Variants in PIAS1 observed in about 807,000 individuals in gnomAD.
PIAS1 encodes E3 SUMO-protein ligase PIAS1.
A neutral mutation model predicts 71.3 loss-of-function variants in PIAS1; 6 were observed. That is an observed-to-expected ratio of 0.08 (90% CI 0.05 to 0.17). The LOEUF (loss-of-function observed/expected upper bound fraction) is 0.17, where lower values mean the gene tolerates loss of function less well. Among genes scored for constraint, PIAS1 ranks in the 10% least tolerant of loss-of-function variants. The probability of loss-of-function intolerance (pLI) is 1.00; values close to 1 mark genes in which losing one functional copy is unlikely to be tolerated. For synonymous variants in PIAS1, 303 were observed against 292.9 expected (o/e 1.03, Z -0.35); for missense variants, 555 against 793.6 (o/e 0.70, Z 3.61).
chr15:68,069,293 A>G (rs2092066401), intron 1 of PIAS1, among the ~76,000 whole-genome samples: 1 of 152,168 alleles, frequency 6.6e-6, no homozygotes, highest in Non-Finnish European at 1.5e-5. Flanking sequence ...TTGTGGCTAT[A>G]GGTATTCTCT....
At position 68,068,318 on chromosome 15, in the gene PIAS1, G is replaced by A. The variant is rs148765013; in HGVS notation, c.24+13968G>A. Among the ~76,000 whole-genome samples the A allele has an allele frequency of 3.0e-4, 46 of 152,286 alleles. 1 individual carries two copies. In the East Asian group the frequency reaches 8.9e-3, roughly 29 times the overall value. On this transcript the variant is annotated intron_variant, in intron 1 of 13. Coordinates refer to ENST00000249636, the MANE Select transcript of PIAS1 (RefSeq NM_016166.3). ...CAGGAGGTTGAGGCTGTAGTGAGCT[G>A]TGATGGCGCCACTGTACTCCAGCCT...
At chr15:68,132,702 A>G (rs1332404785) in intron 2 of PIAS1, among the ~76,000 whole-genome samples, 2 of 152,170 alleles carry the variant, frequency 1.3e-5, no homozygotes, top group Non-Finnish European at 2.9e-5. Context: ...ACTAGGGTTA[A>G]GTTCAATTTG....
intron 6 of PIAS1, among the ~76,000 whole-genome samples, chr15:68,150,320 AG>A (rs1157098472): frequency 2.0e-5 from 3 of 152,064 alleles, no homozygotes; most frequent in Non-Finnish European, 2.9e-5. Flanking sequence ...GCACTAGAGG[AG>A]GGGGGAAATA....
intron 7 of PIAS1, among the ~76,000 whole-genome samples, chr15:68,156,727 A>AGAG (rs1401112813): frequency 7.0e-6 from 1 of 143,826 alleles, no homozygotes; most frequent in African/African-American, 2.6e-5. Context: ...AAAAAAAAAA[A>AGAG]AGAGAGAGAG....
rs1024217069 is a variant in PIAS1, at chr15:68,190,511, C to T, written c.*2676C>T. ...TTCTTAGCCTACGCTCACTCCCCAA[C>T]CCATCCCAACATTGACATGCTATCT... On this transcript the variant is annotated 3_prime_UTR_variant, in exon 14 of 14. Coordinates refer to ENST00000249636, the MANE Select transcript of PIAS1 (RefSeq NM_016166.3). The surrounding 1 kb of genome is among the most constrained non-coding windows in gnomAD (Gnocchi z 4.7). 1 of 152,138 alleles carries T rather than the reference C, an allele frequency of 6.6e-6. No homozygotes were observed. Among genetic ancestry groups the T allele is most frequent in the African/African-American group, 2.4e-5 (1 of 41,434 alleles). 9.4% of individuals were successfully genotyped at this position (152,138 alleles called of 1,614,324 possible).
intron 2 of PIAS1, among the ~76,000 whole-genome samples, chr15:68,111,256 C>T (rs746140389): frequency 9.9e-5 from 15 of 152,112 alleles, no homozygotes; most frequent in Non-Finnish European, 2.2e-4. Context: ...AATCCTACTT[C>T]TGTGGTCAGA....
intron 2 of PIAS1, among the ~76,000 whole-genome samples, chr15:68,120,906 G>A (rs2092608016): frequency 6.6e-6 from 1 of 152,140 alleles, no homozygotes; most frequent in Non-Finnish European, 1.5e-5. Flanking sequence ...AAAGTGCTGG[G>A]ATTACAGGCA....
chr15:68,115,123 T>C (rs1013394936), intron 2 of PIAS1, among the ~76,000 whole-genome samples: 2 of 152,138 alleles, frequency 1.3e-5, no homozygotes, highest in African/African-American at 4.8e-5. Context: ...GACTTCTGTT[T>C]TTACCCTTAA....
At chr15:68,094,140 A>G (rs1295147546) in intron 2 of PIAS1, among the ~76,000 whole-genome samples, 3 of 151,722 alleles carry the variant, frequency 2.0e-5, no homozygotes, top group South Asian at 2.1e-4. Context: ...GGCTATATAT[A>G]TATTTGAATT....
intron 8 of PIAS1, among the ~76,000 whole-genome samples, chr15:68,165,105 TTA>T (rs1567072009): frequency 6.6e-6 from 1 of 152,112 alleles, no homozygotes; most frequent in African/African-American, 2.4e-5. Flanking sequence ...TATAAAAATT[TTA>T]CATTATTTAT....
intron 1 of PIAS1, among the ~76,000 whole-genome samples, chr15:68,066,436 A>G (rs1347479375): frequency 2.0e-5 from 3 of 152,198 alleles, no homozygotes; most frequent in Non-Finnish European, 4.4e-5. Flanking sequence ...GTAAAATATA[A>G]GAATCATATG....
At chr15:68,100,824 A>G (rs911542298) in intron 2 of PIAS1, among the ~76,000 whole-genome samples, 9 of 151,872 alleles carry the variant, frequency 5.9e-5, no homozygotes, top group Non-Finnish European at 8.8e-5. Flanking sequence ...ATTTGATGCT[A>G]TCACTATTTT....
intron 1 of PIAS1, among the ~76,000 whole-genome samples, chr15:68,062,416 G>A (rs1036052263): frequency 3.3e-5 from 5 of 152,098 alleles, no homozygotes; most frequent in African/African-American, 1.2e-4. Context: ...TGCACAGTCA[G>A]GTAGTTTTTG....
intron 2 of PIAS1, among the ~76,000 whole-genome samples, chr15:68,103,967 G>A (rs755502016): frequency 2.0e-5 from 3 of 152,162 alleles, no homozygotes; most frequent in Non-Finnish European, 2.9e-5. Context: ...AACTAGAAAT[G>A]CTGGCTCATA....
At chr15:68,106,913 T>C (rs915963292) in intron 2 of PIAS1, among the ~76,000 whole-genome samples, 2 of 152,142 alleles carry the variant, frequency 1.3e-5, no homozygotes, top group African/African-American at 4.8e-5. Flanking sequence ...ACAGATGATG[T>C]TGGGTTATAT....
At chr15:68,164,851 TTC>T in intron 8 of PIAS1, 47 bp downstream of exon 8, 1 of 1,009,692 alleles carries the variant, frequency 9.9e-7, no homozygotes, top group Admixed American at 2.3e-5. Flanking sequence ...AACATACATT[TTC>T]TCTTTTTATT....
Position 68,054,654 on chromosome 15 carries a change from G to A in PIAS1, c.24+304G>A. ...GGTAGGGGCTGCAGCTGTCTCATGG[G>A]CTCGGCTTTTTCACCTTCCAGTTAG... On this transcript the variant is annotated intron_variant, in intron 1 of 13. Coordinates refer to ENST00000249636, the MANE Select transcript of PIAS1 (RefSeq NM_016166.3). The surrounding 1 kb of genome is among the most constrained non-coding windows in gnomAD (Gnocchi z 4.6). The A allele has an allele frequency of 3.4e-6, 1 of 298,410 alleles. No homozygotes were observed. The highest frequency in any genetic ancestry group is 6.2e-6 in the Non-Finnish European group (1 of 162,076). The allele number at this position is 298,410 out of a possible 1,614,324, so 18.5% of individuals were successfully genotyped here.
chr15:68,086,550 C>T lies in PIAS1; in HGVS notation c.269C>T (p.Ser90Phe). The change falls in exon 2 of 14, where the codon TCT becomes TTT. Residue 90 changes from serine (S) to phenylalanine (F), a missense_variant. Coordinates refer to ENST00000249636, the MANE Select transcript of PIAS1 (RefSeq NM_016166.3). The surrounding 1 kb of genome is among the most constrained non-coding windows in gnomAD (Gnocchi z 7.2). ...TCAAGTCCTATGCCAGCAACTTTGTCTCCATCTACCATTCCACAACTCACT... is the reference window on the plus strand; with the variant it reads ...TCAAGTCCTATGCCAGCAACTTTGTTTCCATCTACCATTCCACAACTCACT... ...VHSSPMPATL[S>F]PSTIPQLTYD... 1.2e-6 allele frequency: 2 copies of T among 1,613,926 alleles called. No individual in the cohort carries two copies. The highest frequency in any genetic ancestry group is 2.2e-5 in the South Asian group (2 of 91,084).
chr15:68,110,262 G>GC (rs1392947980), intron 2 of PIAS1, among the ~76,000 whole-genome samples: 2 of 151,924 alleles, frequency 1.3e-5, no homozygotes, highest in Non-Finnish European at 2.9e-5. Context: ...TTTTTTACAG[G>GC]CCCCCAAATA....
Sources: gnomAD v4.1 joint callset for allele counts (sites outside exome capture counted in the v4.1 genomes callset) on GRCh38, gnomAD v4.1.1 for gene constraint, Gnocchi (gnomAD v3.1) non-coding constraint, MANE v1.5 for transcripts, NCBI Gene and HGNC (gene_info 2026-07-23, HGNC 2026-07-21) for gene names.